SRBD1: variants seen among roughly 807,000 people sequenced by gnomAD.
SRBD1 encodes the protein S1 RNA binding domain 1, also known as S1 RNA-binding domain-containing protein 1.
A neutral mutation model predicts 115.3 loss-of-function variants in SRBD1; 88 were observed. The observed-to-expected ratio is 0.76, with a 90% CI of 0.64 to 0.91. The LOEUF is 0.91. Ranked by LOEUF, SRBD1 falls within the 40% of genes least tolerant of loss-of-function variation. The pLI, the probability that SRBD1 is intolerant of heterozygous loss-of-function variation, is 0.00. For synonymous variants in SRBD1, 509 were observed against 407.7 expected (o/e 1.25, Z -2.99); for missense variants, 1,385 against 1,177.4 (o/e 1.18, Z -2.58).
chr2:45,607,008 A>C (rs543548465), intron 1 of SRBD1, among the ~76,000 whole-genome samples: 2 of 152,232 alleles, frequency 1.3e-5, no homozygotes, highest in Non-Finnish European at 2.9e-5. Context: ...TCAGTCCAGT[A>C]AGTACACAAT....
At chr2:45,581,097 A>C (rs1464255242) in intron 6 of SRBD1, among the ~76,000 whole-genome samples, 1 of 152,088 alleles carries the variant, frequency 6.6e-6, no homozygotes, top group Admixed American at 6.5e-5. Flanking sequence ...CCTAATTACC[A>C]AATATATATA....
intron 19 of SRBD1, among the ~76,000 whole-genome samples, chr2:45,398,185 G>T (rs983206737): frequency 6.6e-6 from 1 of 152,122 alleles, no homozygotes; most frequent in Non-Finnish European, 1.5e-5. Context: ...AACATACTAA[G>T]ATAAACATTT....
chr2:45,395,613 T>G (rs902525515), intron 19 of SRBD1, among the ~76,000 whole-genome samples: 1 of 152,210 alleles, frequency 6.6e-6, no homozygotes, highest in Non-Finnish European at 1.5e-5. Context: ...AACCTATTTT[T>G]AAATTACTAC....
chr2:45,413,348 A>G (rs1667663058), intron 18 of SRBD1, 55 bp from the exon 19 acceptor site: 1 of 1,558,338 alleles, frequency 6.4e-7, no homozygotes, highest in African/African-American at 1.4e-5. Flanking sequence ...TGGGCAGAAA[A>G]GTCTTCAAAT....
At chr2:45,564,803 C>G (rs775825250) in intron 9 of SRBD1, among the ~76,000 whole-genome samples, 22 of 152,088 alleles carry the variant, frequency 1.4e-4, no homozygotes, top group Non-Finnish European at 1.2e-4. Context: ...ATTGCAGGAT[C>G]TGAAACCCAC....
At chr2:45,539,575 G>A (rs1553349395) in intron 14 of SRBD1, among the ~76,000 whole-genome samples, 2 of 152,188 alleles carry the variant, frequency 1.3e-5, no homozygotes, top group Non-Finnish European at 2.9e-5. Flanking sequence ...GGCTGATGTA[G>A]CGGGGAACTA....
chr2:45,555,430 A>G (rs767187245), intron 10 of SRBD1, among the ~76,000 whole-genome samples: 13 of 152,108 alleles, frequency 8.5e-5, no homozygotes, highest in Non-Finnish European at 1.3e-4. Context: ...TTTTTTGGAA[A>G]AATGGATTTC....
rs572889667 is a variant in SRBD1, at chr2:45,470,988, C to G, written c.2049+6005G>C. Among the ~76,000 whole-genome samples, 9 of 143,794 alleles carry G rather than the reference C, an allele frequency of 6.3e-5. No individual in the cohort carries two copies. The East Asian group carries it at 1.7e-3, about 28-fold the overall frequency. The allele number at this position is 143,794 out of a possible 152,430, so 94.3% of individuals were successfully genotyped here. On this transcript the variant is annotated intron_variant, in intron 16 of 20. Coordinates refer to ENST00000263736, the MANE Select transcript of SRBD1 (RefSeq NM_018079.5). Reference sequence around the variant, plus strand: ...TCTATTATTTCATCTATTTAACATTCTCTCTTTGAACAGCTTTCATTTTTT... The same window carrying G: ...TCTATTATTTCATCTATTTAACATTGTCTCTTTGAACAGCTTTCATTTTTT...
chr2:45,490,776 T>G (rs1266735408), intron 14 of SRBD1, among the ~76,000 whole-genome samples: 1 of 152,128 alleles, frequency 6.6e-6, no homozygotes, highest in East Asian at 1.9e-4. Context: ...ATAATAAATA[T>G]TCCTCCAAAT....
chr2:45,552,856 T>G (rs1038515383), intron 11 of SRBD1, among the ~76,000 whole-genome samples: 1 of 152,170 alleles, frequency 6.6e-6, no homozygotes, highest in African/African-American at 2.4e-5. Flanking sequence ...AATTCAATGG[T>G]CAAGTCCAGC....
At chr2:45,546,449 C>A (rs1672121734) in intron 14 of SRBD1, 1 of 676,912 alleles carries the variant, frequency 1.5e-6, no homozygotes, top group African/African-American at 2.0e-5. Context: ...TTAACTAGAA[C>A]CCTCACACAA....
chr2:45,524,764 T>C (rs1572733413), intron 14 of SRBD1, among the ~76,000 whole-genome samples: 1 of 152,056 alleles, frequency 6.6e-6, no homozygotes, highest in South Asian at 2.1e-4. Flanking sequence ...AGATTTCCAG[T>C]TGATTTCTTT....
intron 14 of SRBD1, among the ~76,000 whole-genome samples, chr2:45,506,586 G>T (rs752442470): frequency 1.3e-5 from 2 of 152,060 alleles, no homozygotes; most frequent in African/African-American, 2.4e-5. Context: ...CAGCCCAGGG[G>T]AGCCTATATT....
At chr2:45,486,857 G>A (rs1670137828) in intron 15 of SRBD1, among the ~76,000 whole-genome samples, 3 of 152,028 alleles carry the variant, frequency 2.0e-5, no homozygotes. Context: ...TTACCACAAT[G>A]TTTCACATAT....
At chr2:45,395,967 C>T (rs1667135522) in intron 19 of SRBD1, among the ~76,000 whole-genome samples, 1 of 152,100 alleles carries the variant, frequency 6.6e-6, no homozygotes, top group Middle Eastern at 3.2e-3. Flanking sequence ...ATACAAAGTA[C>T]TTTCTGGCTC....
intron 16 of SRBD1, among the ~76,000 whole-genome samples, chr2:45,446,395 T>A (rs1668824948): frequency 6.6e-6 from 1 of 152,076 alleles, no homozygotes; most frequent in South Asian, 2.1e-4. Flanking sequence ...CCATGTATAC[T>A]GAGGTAGGAG....
rs190051424 is a variant in SRBD1, at chr2:45,461,607, C to T, written c.2049+15386G>A. ...GCTTCTGTGTGGTACACATCCCCAC[C>T]TTCTCCCATAACTGACGCCGCCCCT... is the stretch of plus-strand genomic sequence containing the variant. On this transcript the variant is annotated intron_variant, in intron 16 of 20. Coordinates refer to ENST00000263736, the MANE Select transcript of SRBD1 (RefSeq NM_018079.5). Among the ~76,000 whole-genome samples the T allele has an allele frequency of 3.8e-3, 574 of 152,312 alleles. 2 individuals are homozygous for T. Among genetic ancestry groups the T allele is most frequent in the African/African-American group, 0.014 (563 of 41,570 alleles).
At chr2:45,554,983 C>T (rs1672427573) in intron 10 of SRBD1, among the ~76,000 whole-genome samples, 1 of 152,150 alleles carries the variant, frequency 6.6e-6, no homozygotes, top group South Asian at 2.1e-4. Context: ...CACCAAGAAG[C>T]TGACTCACCA....
Position 45,547,509 on chromosome 2 carries a change from C to A in SRBD1, c.1766+13G>T. 6.2e-7 allele frequency: 1 copy of A among 1,611,346 alleles called. No individual in the cohort carries two copies. The highest frequency in any genetic ancestry group is 2.2e-5 in the East Asian group (1 of 44,832). ...AGCCACTGATATATTCAAAAGATTA[C>A]TTATTTTCATACTTGAAATTCAGCA... is the stretch of plus-strand genomic sequence containing the variant. On this transcript the variant is annotated intron_variant, in intron 13 of 20. Coordinates refer to ENST00000263736, the MANE Select transcript of SRBD1 (RefSeq NM_018079.5).
Sources: allele counts gnomAD v4.1 joint callset (sites outside exome capture counted in the v4.1 genomes callset), GRCh38; gene constraint gnomAD v4.1.1; transcripts MANE v1.5; gene names NCBI Gene and HGNC (gene_info 2026-07-23, HGNC 2026-07-21).